Variants in RIT2 observed in about 807,000 individuals in gnomAD.
RIT2 encodes the protein Ras like without CAAX 2, also known as GTP-binding protein Rit2.
Under a neutral mutation model 23.7 loss-of-function variants are expected in RIT2, and 24 were observed. That is an observed-to-expected ratio of 1.01 (90% CI 0.73 to 1.43). The LOEUF (loss-of-function observed/expected upper bound fraction) is 1.43, where lower values mean the gene tolerates loss of function less well. Ranked by LOEUF, RIT2 falls within the 40% of genes most tolerant of loss-of-function variation. The pLI, the probability that RIT2 is intolerant of heterozygous loss-of-function variation, is 0.00. For missense variants in RIT2, 236 were observed against 266.9 expected (o/e 0.88, Z 0.81); for synonymous variants, 107 against 91.1 (o/e 1.17, Z -0.99).
chr18:43,038,676 A>G (rs1327002646), intron 1 of RIT2, among the ~76,000 whole-genome samples: 2 of 152,094 alleles, frequency 1.3e-5, no homozygotes, highest in Non-Finnish European at 2.9e-5. Flanking sequence ...CGATTATTTG[A>G]GGATGTTTAA....
intron 2 of RIT2, among the ~76,000 whole-genome samples, chr18:42,986,077 T>C (rs1910701937): frequency 1.3e-5 from 2 of 151,582 alleles, no homozygotes; most frequent in Non-Finnish European, 2.9e-5. Context: ...GTGGCTCTCA[T>C]TGCCTAGGCT....
intron 4 of RIT2, among the ~76,000 whole-genome samples, chr18:42,910,050 T>C (rs1908726708): frequency 6.6e-6 from 1 of 152,090 alleles, no homozygotes; most frequent in African/African-American, 2.4e-5. Flanking sequence ...TGGTAACACA[T>C]TGACACCAGC....
intron 1 of RIT2, among the ~76,000 whole-genome samples, chr18:43,102,945 C>T (rs1913723366): frequency 6.6e-6 from 1 of 152,118 alleles, no homozygotes; most frequent in African/African-American, 2.4e-5. Flanking sequence ...TGAGCCACTG[C>T]GCCCGGCCCT....
At chr18:42,833,050 T>C (rs767109173) in intron 4 of RIT2, among the ~76,000 whole-genome samples, 1 of 93,686 alleles carries the variant, frequency 1.1e-5, no homozygotes, top group African/African-American at 6.3e-5. Context: ...TGAGACTTCA[T>C]CTCAAAAAAA....
rs375571309 is a variant in RIT2, at chr18:42,743,461, C to A, written c.*32G>T. The stretch of plus-strand genomic sequence containing the variant: ...ATGGAATTGTCCAACTAATAAAATT[C>A]AGAGAGCGTGAGGAACTCAAAAGCA... On this transcript the variant is annotated 3_prime_UTR_variant, in exon 5 of 5. Transcript: ENST00000326695. The A allele has an allele frequency of 5.0e-5, 74 of 1,468,252 alleles. No homozygotes were observed. Among genetic ancestry groups the A allele is most frequent in the Non-Finnish European group, 6.9e-5 (73 of 1,051,054 alleles). 91.0% of individuals were successfully genotyped at this position (1,468,252 alleles called of 1,614,324 possible).
intron 4 of RIT2, among the ~76,000 whole-genome samples, chr18:42,778,109 T>G (rs1053124219): frequency 2.0e-5 from 3 of 152,128 alleles, no homozygotes; most frequent in Admixed American, 1.3e-4. Flanking sequence ...CTGCTGTGCT[T>G]TTAGAGCAAA....
chr18:42,834,928 A>C (rs1943946), intron 4 of RIT2, among the ~76,000 whole-genome samples: 37,194 of 151,960 alleles, frequency 0.24, 5,668 homozygotes, highest in East Asian at 0.42. Context: ...ATTGTTAAAC[A>C]ATGCAAGCAC....
rs568522363 is a variant in RIT2 at position 42,831,393 on chromosome 18, C to T, written c.427-87673G>A. Among the ~76,000 whole-genome samples the T allele has an allele frequency of 5.9e-5, 9 of 152,272 alleles. No homozygotes were observed. In the South Asian group the frequency reaches 1.9e-3, roughly 32 times the overall value. ...ATAAAATTAATTTGGTTTTTTATTG[C>T]TTTCTTTTCTACCAGATTTGTCCTT... is the stretch of plus-strand genomic sequence containing the variant. On this transcript the variant is annotated intron_variant, in intron 4 of 4. Transcript: ENST00000326695.
intron 4 of RIT2, among the ~76,000 whole-genome samples, chr18:42,909,341 G>T (rs1219129285): frequency 6.6e-6 from 1 of 152,070 alleles, no homozygotes; most frequent in Non-Finnish European, 1.5e-5. Context: ...TAGGAGTAGG[G>T]TGAGGAATAA....
intron 1 of RIT2, among the ~76,000 whole-genome samples, chr18:43,101,492 C>A (rs1913683404): frequency 6.6e-6 from 1 of 151,890 alleles, no homozygotes; most frequent in African/African-American, 2.4e-5. Context: ...GGATAAAATA[C>A]CATAGGAAAT....
At chr18:42,978,369 G>A (rs1282749046) in intron 2 of RIT2, among the ~76,000 whole-genome samples, 2 of 151,632 alleles carry the variant, frequency 1.3e-5, no homozygotes, top group Non-Finnish European at 2.9e-5. Flanking sequence ...GGGAATCTAG[G>A]TCACCTGCCT....
At chr18:42,748,052 A>G (rs1333173940) in intron 4 of RIT2, among the ~76,000 whole-genome samples, 3 of 152,178 alleles carry the variant, frequency 2.0e-5, no homozygotes, top group African/African-American at 7.2e-5. Context: ...ACTTAATTAA[A>G]CTAAAAAGTT....
At chr18:42,758,068 T>G (rs1913206537) in intron 4 of RIT2, among the ~76,000 whole-genome samples, 1 of 152,092 alleles carries the variant, frequency 6.6e-6, no homozygotes, top group African/African-American at 2.4e-5. Flanking sequence ...ATTTTTAGTC[T>G]TCTTCTATAA....
In RIT2 at chr18:42,902,293, C is replaced by T. The variant is rs548948316; in HGVS notation, c.426+21279G>A. Among the ~76,000 whole-genome samples the T allele has an allele frequency of 5.3e-5, 8 of 151,598 alleles. No homozygotes were observed. The South Asian group carries it at 1.7e-3, about 31-fold the overall frequency. ...AACTACTGGTATTTATGTTTCTTGC[C>T]TATAACATTTTTTTTAATTTGTCAT... On this transcript the variant is annotated intron_variant, in intron 4 of 4. Coordinates refer to ENST00000326695, the MANE Select transcript of RIT2 (RefSeq NM_002930.4).
chr18:42,788,217 T>G (rs772617361), intron 4 of RIT2, among the ~76,000 whole-genome samples: 2 of 152,154 alleles, frequency 1.3e-5, no homozygotes, highest in Non-Finnish European at 2.9e-5. Flanking sequence ...ATCTGCTTCT[T>G]AATGAAATAT....
rs4361015 is a variant in RIT2, at chr18:43,030,214, C to A, written c.160+3597G>T. On this transcript the variant is annotated intron_variant, in intron 2 of 4. Transcript: ENST00000326695. ...AAATATTCAACATTCTAAAAGAATG[C>A]ATAAAAGAAAGGCTTATTTTTGGGA... 8.2e-4 allele frequency among the ~76,000 whole-genome samples: 125 copies of A among 152,012 alleles called. No individual in the cohort carries two copies. In the East Asian group the frequency reaches 0.023, roughly 28 times the overall value.
chr18:43,038,375 T>C (rs919761247), intron 1 of RIT2, among the ~76,000 whole-genome samples: 4 of 151,630 alleles, frequency 2.6e-5, no homozygotes, highest in African/African-American at 7.3e-5. Flanking sequence ...TTTATGCTGT[T>C]GAATATTTTT....
intron 4 of RIT2, among the ~76,000 whole-genome samples, chr18:42,836,266 C>T (rs1047604510): frequency 6.6e-6 from 1 of 151,898 alleles, no homozygotes; most frequent in African/African-American, 2.4e-5. Flanking sequence ...TGGGTTTAAC[C>T]TGGAAGTAAG....
chr18:42,815,636 T>A (rs1207784489), intron 4 of RIT2, among the ~76,000 whole-genome samples: 1 of 152,116 alleles, frequency 6.6e-6, no homozygotes, highest in Non-Finnish European at 1.5e-5. Flanking sequence ...TGGAGAAGAA[T>A]GAAACAAAGT....
Sources: allele counts gnomAD v4.1 joint callset (sites outside exome capture counted in the v4.1 genomes callset), GRCh38; gene constraint gnomAD v4.1.1; transcripts MANE v1.5; gene names NCBI Gene and HGNC (gene_info 2026-07-23, HGNC 2026-07-21).